The following CLDN16 variants were observed in gnomAD, a reference collection of about 807,000 sequenced individuals.
The protein encoded by CLDN16 is claudin-16.
In CLDN16, 13 loss-of-function variants were observed where a neutral mutation model predicts 24.6. The ratio of observed to expected loss-of-function variants is 0.53; its 90% CI spans 0.34 to 0.84. The LOEUF (loss-of-function observed/expected upper bound fraction) is 0.84. CLDN16 is among the 40% of genes least tolerant of loss of function. The pLI is 0.01. For missense variants in CLDN16, 298 were observed against 292.7 expected (o/e 1.02, Z -0.13); for synonymous variants, 116 against 106.7 (o/e 1.09, Z -0.54).
chr3:190,324,493 T>C (rs944059935), intron 1 of CLDN16, among the ~76,000 whole-genome samples: 3 of 142,872 alleles, frequency 2.1e-5, no homozygotes, highest in Middle Eastern at 3.8e-3. Flanking sequence ...AACAAATAAA[T>C]AAATAAATAA....
chr3:190,353,457 A>C (rs1430715996), intron 1 of CLDN16, among the ~76,000 whole-genome samples: 2 of 152,042 alleles, frequency 1.3e-5, no homozygotes, highest in East Asian at 1.9e-4. Flanking sequence ...TAAATGAATA[A>C]AGCATGTACC....
chr3:190,376,122 A>G (rs908893046), intron 3 of CLDN16, among the ~76,000 whole-genome samples: 2 of 151,918 alleles, frequency 1.3e-5, no homozygotes, highest in South Asian at 4.1e-4. Context: ...AGGAATCCAC[A>G]TCATTGACTT....
intron 4 of CLDN16, 95 bp from the exon 5 acceptor site, chr3:190,409,808 T>C: frequency 8.5e-7 from 1 of 1,172,222 alleles, no homozygotes; most frequent in Non-Finnish European, 1.3e-6. Context: ...AGTATCTATA[T>C]TCTTGTTCCT....
At chr3:190,322,584 G>T in exon 1 of CLDN16, 1 of 310,106 alleles carries the variant, frequency 3.2e-6, no homozygotes, top group East Asian at 9.3e-5. Flanking sequence ...CGCGGCTGGC[G>T]GCGTGGGGAC....
chr3:190,311,940 A>ATTTCT, the CLDN16 span, among the ~76,000 whole-genome samples: 130 of 135,900 alleles, frequency 9.6e-4, no homozygotes, highest in African/African-American at 3.4e-3. Context: ...AAAAACAGAT[A>ATTTCT]TTTCTTTTCT....
At chr3:190,291,903 C>T in the CLDN16 span, among the ~76,000 whole-genome samples, 2 of 152,174 alleles carry the variant, frequency 1.3e-5, no homozygotes, top group Non-Finnish European at 2.9e-5. Context: ...GACTCCATGT[C>T]TCACGTCCAG....
intron 1 of CLDN16, among the ~76,000 whole-genome samples, chr3:190,359,803 G>T (rs928279089): frequency 6.6e-6 from 1 of 151,978 alleles, no homozygotes; most frequent in Admixed American, 6.6e-5. Flanking sequence ...AGAAAGGTAG[G>T]TCTAAAGATG....
At chr3:190,322,211 C>G, upstream of CLDN16, 2 of 1,613,110 alleles carry the variant, frequency 1.2e-6, no homozygotes, top group Non-Finnish European at 1.7e-6. Context: ...GGCCATGACT[C>G]GCTCGGGCGC....
chr3:190,310,331 A>G, the CLDN16 span: 39 of 1,093,206 alleles, frequency 3.6e-5, no homozygotes, highest in East Asian at 9.3e-4. Context: ...AAACCAAAAC[A>G]TATTTTGCAA....
At chr3:190,394,407 G>A (rs923313535) in intron 1 of CLDN16, among the ~76,000 whole-genome samples, 1 of 152,048 alleles carries the variant, frequency 6.6e-6, no homozygotes, top group South Asian at 2.1e-4. Flanking sequence ...GCTCACATTA[G>A]TATTTATTTT....
chr3:190,356,523 G>C (rs193054677), intron 1 of CLDN16, among the ~76,000 whole-genome samples: 12 of 151,756 alleles, frequency 7.9e-5, no homozygotes, highest in Non-Finnish European at 1.5e-4. Flanking sequence ...TAAACCAAAG[G>C]CATGTTTATC....
At chr3:190,366,826 A>G (rs1304803193) in intron 1 of CLDN16, among the ~76,000 whole-genome samples, 1 of 151,956 alleles carries the variant, frequency 6.6e-6, no homozygotes, top group Non-Finnish European at 1.5e-5. Context: ...AGCAATCAGC[A>G]TCTAAGTCTC....
intron 3 of CLDN16, among the ~76,000 whole-genome samples, chr3:190,379,658 G>A (rs1276044357): frequency 1.3e-5 from 2 of 152,034 alleles, no homozygotes; most frequent in African/African-American, 2.4e-5. Context: ...GCATGTACAA[G>A]CACAGGCAAA....
intron 1 of CLDN16, among the ~76,000 whole-genome samples, chr3:190,332,790 T>A (rs186128735): frequency 2.6e-5 from 4 of 151,804 alleles, no homozygotes; most frequent in East Asian, 1.9e-4. Context: ...TTTTTTTTGT[T>A]ACAAGACATA....
chr3:190,301,507 A>T, the CLDN16 span, among the ~76,000 whole-genome samples: 1 of 150,630 alleles, frequency 6.6e-6, no homozygotes, highest in Non-Finnish European at 1.5e-5. Context: ...AAAAAAGAAG[A>T]AGAAGAAGAA....
chr3:190,328,676 A>T (rs1269043354), intron 1 of CLDN16, among the ~76,000 whole-genome samples: 1 of 118,410 alleles, frequency 8.4e-6, no homozygotes, highest in South Asian at 3.2e-4. Context: ...CATTCTACGT[A>T]AAAAAAAAAA....
upstream of CLDN16, among the ~76,000 whole-genome samples, chr3:190,318,538 T>C (rs1316020388): frequency 6.6e-6 from 1 of 152,176 alleles, no homozygotes; most frequent in Non-Finnish European, 1.5e-5. Flanking sequence ...TGCCCTATTT[T>C]ATAAGTGGGG....
At chr3:190,375,924 G>GTC (rs1223919834) in intron 3 of CLDN16, among the ~76,000 whole-genome samples, 6 of 151,814 alleles carry the variant, frequency 4.0e-5, no homozygotes, top group African/African-American at 1.5e-4. Flanking sequence ...TCAAACGTAT[G>GTC]TCTCTGCTGT....
intron 1 of CLDN16, among the ~76,000 whole-genome samples, chr3:190,361,966 A>T (rs1178878622): frequency 7.0e-6 from 1 of 143,430 alleles, no homozygotes; most frequent in Non-Finnish European, 1.5e-5. Context: ...GGTGGGGGCT[A>T]CCAGGGATTA....
Sources: allele counts gnomAD v4.1 joint callset (sites outside exome capture counted in the v4.1 genomes callset), GRCh38; gene constraint gnomAD v4.1.1; transcripts MANE v1.5; gene names NCBI Gene and HGNC (gene_info 2026-07-23, HGNC 2026-07-21).